The following ANKS1B variants were observed in gnomAD, a reference collection of about 807,000 sequenced individuals.
ANKS1B encodes ankyrin repeat and sterile alpha motif domain-containing protein 1B.
ANKS1B carries 36 observed loss-of-function variants against 148.3 expected under a neutral mutation model. That is an observed-to-expected ratio of 0.24 (90% CI 0.19 to 0.32). The LOEUF (loss-of-function observed/expected upper bound fraction) is 0.32, where lower values mean the gene tolerates loss of function less well. ANKS1B is among the 10% of genes least tolerant of loss of function. ANKS1B has a pLI of 1.00. For synonymous variants in ANKS1B, 542 were observed against 560.8 expected (o/e 0.97, Z 0.47); for missense variants, 1,157 against 1,542.6 (o/e 0.75, Z 4.19).
intron 17 of ANKS1B, among the ~76,000 whole-genome samples, chr12:98,855,902 A>C (rs891755343): frequency 2.6e-5 from 4 of 152,046 alleles, no homozygotes; most frequent in African/African-American, 9.7e-5. Context: ...TTAACTACGG[A>C]GAGTGTCAAC....
intron 12 of ANKS1B, among the ~76,000 whole-genome samples, chr12:99,322,396 T>C (rs2085445701): frequency 6.8e-6 from 1 of 146,204 alleles, no homozygotes; most frequent in African/African-American, 2.6e-5. Flanking sequence ...GATGGGTCAA[T>C]AGGTGCAGCA....
intron 1 of ANKS1B, among the ~76,000 whole-genome samples, chr12:99,828,409 T>A (rs2083471626): frequency 6.6e-6 from 1 of 151,972 alleles, no homozygotes; most frequent in African/African-American, 2.4e-5. Flanking sequence ...AACCAACAAG[T>A]CCCAACACTA....
chr12:99,202,995 C>T (rs1262752569), intron 14 of ANKS1B, among the ~76,000 whole-genome samples: 1 of 152,126 alleles, frequency 6.6e-6, no homozygotes, highest in Non-Finnish European at 1.5e-5. Flanking sequence ...AAGCTTAGCC[C>T]CAGAATTAAA....
intron 16 of ANKS1B, among the ~76,000 whole-genome samples, chr12:99,056,681 C>T (rs907797389): frequency 1.3e-5 from 2 of 152,194 alleles, no homozygotes; most frequent in African/African-American, 2.4e-5. Context: ...TAACTAGACA[C>T]GTGTATGTCT....
chr12:99,851,772 A>T (rs1332633925), intron 1 of ANKS1B, among the ~76,000 whole-genome samples: 1 of 152,180 alleles, frequency 6.6e-6, no homozygotes, highest in Non-Finnish European at 1.5e-5. Context: ...TCACAGGAAC[A>T]AAAAGCCTTT....
intron 2 of ANKS1B, among the ~76,000 whole-genome samples, chr12:99,816,432 T>G (rs2069159949): frequency 1.3e-5 from 2 of 151,930 alleles, no homozygotes; most frequent in South Asian, 4.1e-4. Flanking sequence ...GTGGGTTGTC[T>G]GTTTACTCTG....
intron 17 of ANKS1B, among the ~76,000 whole-genome samples, chr12:98,870,118 G>C (rs2099647076): frequency 6.6e-6 from 1 of 152,208 alleles, no homozygotes. Context: ...AATGTACCCA[G>C]CTCCTGGAAT....
chr12:99,975,992 T>C lies in ANKS1B; in HGVS notation c.134+8112A>G, dbSNP rs2095623954. Among the ~76,000 whole-genome samples the C allele has an allele frequency of 2.0e-5, 3 of 152,138 alleles. No homozygotes were observed. In the South Asian group the frequency reaches 6.2e-4, roughly 31 times the overall value. On this transcript the variant is annotated intron_variant, in intron 1 of 26. Transcript: ENST00000683438. Reference sequence around the variant, plus strand: ...ACTGGACAAGAAAATGTGGTACATATACACCATGGAATACTAGGTAGCCAT... The same window carrying C: ...ACTGGACAAGAAAATGTGGTACATACACACCATGGAATACTAGGTAGCCAT...
At chr12:98,963,717 C>G (rs565587459) in intron 17 of ANKS1B, among the ~76,000 whole-genome samples, 2 of 152,194 alleles carry the variant, frequency 1.3e-5, no homozygotes, top group South Asian at 4.2e-4. Flanking sequence ...GAAGAGACAG[C>G]CCATTTAATG....
At chr12:99,783,709 G>A (rs918129501) in intron 4 of ANKS1B, among the ~76,000 whole-genome samples, 6 of 152,138 alleles carry the variant, frequency 3.9e-5, no homozygotes, top group Middle Eastern at 3.2e-3. Context: ...TAACATTATG[G>A]TTATGAGAGG....
At chr12:99,887,479 T>C (rs1050050001) in intron 1 of ANKS1B, among the ~76,000 whole-genome samples, 2 of 152,212 alleles carry the variant, frequency 1.3e-5, no homozygotes, top group Non-Finnish European at 2.9e-5. Context: ...TATATGTAGC[T>C]TGTATTATAT....
Position 99,481,091 on chromosome 12 carries a change from T to C in ANKS1B, c.1438+23385A>G, listed in dbSNP as rs144032502. ...GGTTTTATGTTACACGCATGAATTA[T>C]ATAGTGGTGAATTCTGAGATTTTTG... On this transcript the variant is annotated intron_variant, in intron 10 of 26. Coordinates refer to ENST00000683438, the MANE Select transcript of ANKS1B (RefSeq NM_001352186.2). 5.9e-3 allele frequency among the ~76,000 whole-genome samples: 892 copies of C among 151,856 alleles called. 12 individuals are homozygous for C. The highest frequency in any genetic ancestry group is 0.017 in the African/African-American group (723 of 41,496).
At chr12:99,019,624 C>T (rs2099944583) in intron 17 of ANKS1B, among the ~76,000 whole-genome samples, 1 of 152,288 alleles carries the variant, frequency 6.6e-6, no homozygotes, top group South Asian at 2.1e-4. Flanking sequence ...TTCTCAACTA[C>T]ATATTTTGAC....
At chr12:99,713,100 T>C (rs898220919) in intron 8 of ANKS1B, among the ~76,000 whole-genome samples, 3 of 152,076 alleles carry the variant, frequency 2.0e-5, no homozygotes, top group African/African-American at 7.2e-5. Flanking sequence ...TTACAGGGAG[T>C]AAATCCATCA....
intron 17 of ANKS1B, among the ~76,000 whole-genome samples, chr12:98,922,996 C>A (rs909094669): frequency 3.3e-5 from 5 of 151,898 alleles, no homozygotes; most frequent in Admixed American, 3.3e-4. Context: ...TGTTTTTTTC[C>A]CACCAAAGCC....
At chr12:99,962,044 G>A (rs1211291423) in intron 1 of ANKS1B, among the ~76,000 whole-genome samples, 1 of 152,118 alleles carries the variant, frequency 6.6e-6, no homozygotes, top group Non-Finnish European at 1.5e-5. Context: ...TATTAAGTAT[G>A]ACATTTTTTA....
chr12:99,952,036 A>G (rs1168574234), intron 1 of ANKS1B, among the ~76,000 whole-genome samples: 1 of 152,240 alleles, frequency 6.6e-6, no homozygotes, highest in Non-Finnish European at 1.5e-5. Flanking sequence ...AAAAGAAGAA[A>G]AAAGTATCAC....
intron 4 of ANKS1B, among the ~76,000 whole-genome samples, chr12:99,784,168 C>CTTTTTT (rs71088155): frequency 9.0e-6 from 1 of 110,876 alleles, no homozygotes; most frequent in African/African-American, 3.4e-5. Context: ...ACTGAACTTT[C>CTTTTTT]TTTTTTTTTT....
At chr12:99,868,343 T>C (rs1192238067) in intron 1 of ANKS1B, among the ~76,000 whole-genome samples, 2 of 152,202 alleles carry the variant, frequency 1.3e-5, no homozygotes, top group African/African-American at 2.4e-5. Context: ...CTATGTATAT[T>C]ATACTTCAAC....
Sources: gnomAD v4.1 joint callset for allele counts (sites outside exome capture counted in the v4.1 genomes callset) on GRCh38, gnomAD v4.1.1 for gene constraint, MANE v1.5 for transcripts, NCBI Gene and HGNC (gene_info 2026-07-23, HGNC 2026-07-21) for gene names.